MAP2K1: variants seen among roughly 807,000 people sequenced by gnomAD.
MAP2K1 encodes the protein dual specificity mitogen-activated protein kinase kinase 1.
MAP2K1 carries 16 observed loss-of-function variants against 46.3 expected under a neutral mutation model. The ratio of observed to expected loss-of-function variants is 0.35; its 90% CI spans 0.23 to 0.52. The LOEUF is 0.52. MAP2K1 is among the 20% of genes least tolerant of loss of function. The pLI is 0.94. For missense variants in MAP2K1, 263 were observed against 497.1 expected (o/e 0.53, Z 4.48); for synonymous variants, 183 against 185.6 (o/e 0.99, Z 0.11).
chr15:66,421,787 A>T, intron 1 of MAP2K1, among the ~76,000 whole-genome samples: 1 of 146,124 alleles, frequency 6.8e-6, no homozygotes. Flanking sequence ...TGACAGAGTG[A>T]CTCCATCTCA....
chr15:66,439,883 T>G (rs1192009000), intron 3 of MAP2K1, among the ~76,000 whole-genome samples: 1 of 147,230 alleles, frequency 6.8e-6, no homozygotes, highest in Non-Finnish European at 1.5e-5. Context: ...TGCAGTGAGC[T>G]GAGACCACGC....
intron 5 of MAP2K1, among the ~76,000 whole-genome samples, chr15:66,473,185 T>C (rs1595881037): frequency 6.6e-6 from 1 of 152,218 alleles, no homozygotes. Context: ...TTTAATGTTA[T>C]TTTGTGACCT....
At chr15:66,469,721 C>CACACACACACACAT (rs1567021045) in intron 5 of MAP2K1, among the ~76,000 whole-genome samples, 1 of 144,622 alleles carries the variant, frequency 6.9e-6, no homozygotes, top group Admixed American at 7.1e-5. Context: ...CACACACACA[C>CACACACACACACAT]ACATATCGGA....
rs74019594 is a variant in MAP2K1, at chr15:66,402,636, C to T, written c.80+15209C>T. On this transcript the variant is annotated intron_variant, in intron 1 of 10. Transcript: ENST00000307102. ...GCGTCCTGAGTTAATATTTCAAATA[C>T]GTAACATTTTGATGCTGTTGTTATT... Among the ~76,000 whole-genome samples the T allele has an allele frequency of 4.9e-3, 744 of 152,140 alleles. 6 individuals are homozygous for T. Among genetic ancestry groups the T allele is most frequent in the African/African-American group, 0.017 (711 of 41,498 alleles).
chr15:66,490,361 T>C (rs1893209882), intron 10 of MAP2K1, 141 bp from the exon 11 acceptor site: 1 of 755,322 alleles, frequency 1.3e-6, no homozygotes, highest in East Asian at 2.5e-5. Context: ...CTGGCCCCAC[T>C]GTTGCTCAGG....
intron 5 of MAP2K1, among the ~76,000 whole-genome samples, chr15:66,463,015 C>G (rs1382104402): frequency 6.6e-6 from 1 of 152,210 alleles, no homozygotes; most frequent in African/African-American, 2.4e-5. Flanking sequence ...CACCACCTCT[C>G]AGCAACCAGT....
intron 1 of MAP2K1, among the ~76,000 whole-genome samples, chr15:66,422,435 G>T (rs1415654327): frequency 6.6e-6 from 1 of 152,154 alleles, no homozygotes; most frequent in Non-Finnish European, 1.5e-5. Flanking sequence ...TTTCACAGTT[G>T]CTTGAACATT....
chr15:66,420,827 A>ATGTGTATATATATG (rs1567003180), intron 1 of MAP2K1, among the ~76,000 whole-genome samples: 2 of 70,288 alleles, frequency 2.8e-5, no homozygotes, highest in African/African-American at 7.7e-5. Flanking sequence ...GTATATATAT[A>ATGTGTATATATATG]TGTGTATATA....
chr15:66,485,234 A>C, intron 7 of MAP2K1, 43 bp downstream of exon 7: 1 of 1,571,096 alleles, frequency 6.4e-7, no homozygotes, highest in Middle Eastern at 2.0e-4. Context: ...GTTGGAGGGG[A>C]GGGTCCCTTA....
intron 1 of MAP2K1, among the ~76,000 whole-genome samples, chr15:66,401,124 G>A (rs1477743616): frequency 6.6e-6 from 1 of 152,134 alleles, no homozygotes; most frequent in East Asian, 1.9e-4. Context: ...GAGTTTGATA[G>A]GATCTGGCTA....
At chr15:66,472,079 A>AAG (rs1265875238) in intron 5 of MAP2K1, among the ~76,000 whole-genome samples, 1 of 150,796 alleles carries the variant, frequency 6.6e-6, no homozygotes, top group Non-Finnish European at 1.5e-5. Context: ...CCATCTCAAA[A>AAG]AAAAAAAAAA....
At chr15:66,435,341 T>A in intron 2 of MAP2K1, 104 bp downstream of exon 2, 1 of 941,820 alleles carries the variant, frequency 1.1e-6, no homozygotes, top group Non-Finnish European at 1.6e-6. Flanking sequence ...TACCTTTTTG[T>A]GCTGTTTGAA....
chr15:66,414,898 G>A, intron 1 of MAP2K1: 1 of 342,352 alleles, frequency 2.9e-6, no homozygotes, highest in Non-Finnish European at 5.6e-6. Flanking sequence ...GGGCCAAGAA[G>A]GTCATGGCGG....
Position 66,387,183 on chromosome 15 carries a change from G to A in MAP2K1, c.-165G>A. 1 of 516,442 alleles carries A rather than the reference G, an allele frequency of 1.9e-6. No homozygotes were observed. The highest frequency in any genetic ancestry group is 3.4e-6 in the Non-Finnish European group (1 of 293,286). The allele number at this position is 516,442 out of a possible 1,614,324, so 32.0% of individuals were successfully genotyped here. The stretch of plus-strand genomic sequence containing the variant: ...CGGGGGTCCACTGAGACCGCTACCG[G>A]CCCCTCGGCGCTGACGGGACCGCGC... On this transcript the variant is annotated 5_prime_UTR_variant, in exon 1 of 11. Coordinates refer to ENST00000307102, the MANE Select transcript of MAP2K1 (RefSeq NM_002755.4).
At chr15:66,462,986 C>G (rs1238704323) in intron 5 of MAP2K1, among the ~76,000 whole-genome samples, 1 of 152,184 alleles carries the variant, frequency 6.6e-6, no homozygotes, top group Non-Finnish European at 1.5e-5. Context: ...GCTTCTCTGT[C>G]CAGAGGGCAG....
chr15:66,430,957 G>T (rs1386240762), intron 1 of MAP2K1, among the ~76,000 whole-genome samples: 49 of 152,094 alleles, frequency 3.2e-4, no homozygotes, highest in Admixed American at 3.2e-3. Flanking sequence ...TTATCTTGAT[G>T]AACTTGTATT....
At chr15:66,461,583 G>A (rs78135072) in intron 5 of MAP2K1, among the ~76,000 whole-genome samples, 3,335 of 152,164 alleles carry the variant, frequency 0.022, 50 homozygotes, top group Non-Finnish European at 0.037. Context: ...GGCTTGATAA[G>A]ACCAAACTAA....
chr15:66,410,285 C>T (rs1462272131), intron 1 of MAP2K1, among the ~76,000 whole-genome samples: 2 of 152,210 alleles, frequency 1.3e-5, no homozygotes, highest in African/African-American at 4.8e-5. Flanking sequence ...TTCCTGTTAA[C>T]CCTTACATTT....
chr15:66,465,181 G>A (rs1033302696), intron 5 of MAP2K1, among the ~76,000 whole-genome samples: 6 of 152,066 alleles, frequency 3.9e-5, no homozygotes, highest in Admixed American at 3.3e-4. Flanking sequence ...CTGAGATTGT[G>A]CCACTGTAGC....
Sources: gnomAD v4.1 joint callset for allele counts (sites outside exome capture counted in the v4.1 genomes callset) on GRCh38, gnomAD v4.1.1 for gene constraint, MANE v1.5 for transcripts, NCBI Gene and HGNC (gene_info 2026-07-23, HGNC 2026-07-21) for gene names.